Variants in DLG3 observed in about 807,000 individuals in gnomAD.
The protein encoded by DLG3 is discs large MAGUK scaffold protein 3.
DLG3 carries 1 observed loss-of-function variant against 64.1 expected under a neutral mutation model. The observed-to-expected ratio is 0.02, with a 90% CI of 0.01 to 0.07. The LOEUF (loss-of-function observed/expected upper bound fraction) is 0.07, where lower values mean the gene tolerates loss of function less well. Ranked by LOEUF, DLG3 falls within the 10% of genes least tolerant of loss-of-function variation. The pLI is 1.00. For missense variants in DLG3, 429 were observed against 669.5 expected (o/e 0.64, Z 3.96); for synonymous variants, 245 against 259.8 (o/e 0.94, Z 0.55).
intron 9 of DLG3, among the ~76,000 whole-genome samples, chrX:70,464,047 A>G (rs1202022001): frequency 9.3e-6 from 1 of 107,989 alleles, no homozygotes; most frequent in Non-Finnish European, 1.9e-5. Flanking sequence ...ATTTTTTTGT[A>G]TAGAGACAAG....
chrX:70,469,255 C>T (rs2086931393), intron 9 of DLG3, among the ~76,000 whole-genome samples: 1 of 110,822 alleles, frequency 9.0e-6, no homozygotes, highest in Non-Finnish European at 1.9e-5. Context: ...TCAAGCAATC[C>T]TCACACCTTG....
intron 12 of DLG3, chrX:70,493,323 T>A (rs2087392328): frequency 9.3e-7 from 1 of 1,074,295 alleles, no homozygotes; most frequent in South Asian, 2.0e-5. Context: ...AATCCATTGT[T>A]CTGTTTTTTT....
At chrX:70,445,584 G>T (rs751430530) in intron 1 of DLG3, 26 bp downstream of exon 1, 5 of 1,157,064 alleles carry the variant, frequency 4.3e-6, no homozygotes, top group Non-Finnish European at 4.6e-6. Flanking sequence ...GGGGGGAGCG[G>T]TGGGGCAACC....
chrX:70,449,585 C>T (rs1482975838), intron 3 of DLG3, 102 bp downstream of exon 3: 34 of 84,593 alleles, frequency 4.0e-4, no homozygotes, highest in African/African-American at 6.3e-4. Flanking sequence ...GATCTGAGGG[C>T]GGGGTGGGAG....
intron 10 of DLG3, among the ~76,000 whole-genome samples, chrX:70,480,964 C>T (rs2087144356): frequency 8.9e-6 from 1 of 112,179 alleles, no homozygotes; most frequent in African/African-American, 3.2e-5. Context: ...AGGGTGGAGA[C>T]CATGACTGTG....
At chrX:70,481,284 C>A (rs1281201134) in intron 10 of DLG3, among the ~76,000 whole-genome samples, 1 of 112,308 alleles carries the variant, frequency 8.9e-6, no homozygotes. Context: ...AAGAAAATAT[C>A]CCTTGATACC....
intron 9 of DLG3, among the ~76,000 whole-genome samples, chrX:70,472,689 C>T (rs1422013188): frequency 8.9e-6 from 1 of 112,264 alleles, no homozygotes; most frequent in African/African-American, 3.2e-5. Context: ...GGAGAATACA[C>T]AAACATAGAA....
intron 6 of DLG3, among the ~76,000 whole-genome samples, chrX:70,451,540 G>C (rs980782573): frequency 3.6e-5 from 4 of 112,006 alleles, no homozygotes; most frequent in Admixed American, 2.8e-4. Context: ...ATGAGATCAT[G>C]GATGAGAAAA....
chrX:70,452,117 T>A, intron 7 of DLG3, 91 bp downstream of exon 7: 1 of 1,137,265 alleles, frequency 8.8e-7, no homozygotes, highest in Non-Finnish European at 1.2e-6. Context: ...CTCCTTGTAG[T>A]ATGGCAAAGA....
chrX:70,467,649 A>G (rs142260674), intron 9 of DLG3, among the ~76,000 whole-genome samples: 46 of 112,134 alleles, frequency 4.1e-4, no homozygotes, highest in African/African-American at 1.4e-3. Flanking sequence ...CATTAACTCA[A>G]GTTGTCAAAC....
At position 70,493,634 on chromosome X, in the gene DLG3, T is replaced by G. The variant is rs987362407; in HGVS notation, c.1773+1038T>G. Reference sequence around the variant, plus strand: ...TTATCTACAGAGTCAGGGCAGAAACTGGTCTGCCTAAGGAGATGTTGGGTT... The same window carrying G: ...TTATCTACAGAGTCAGGGCAGAAACGGGTCTGCCTAAGGAGATGTTGGGTT... On this transcript the variant is annotated intron_variant, in intron 12 of 18. Transcript: ENST00000374360. Among the ~76,000 whole-genome samples the G allele has an allele frequency of 3.6e-5, 4 of 112,594 alleles. No homozygotes were observed. In the Admixed American group the frequency reaches 3.7e-4, roughly 11 times the overall value.
intron 10 of DLG3, among the ~76,000 whole-genome samples, chrX:70,484,430 G>T (rs2087218976): frequency 8.9e-6 from 1 of 112,310 alleles, no homozygotes; most frequent in African/African-American, 3.2e-5. Context: ...GCCCAGGGTG[G>T]TGCTTGGTGG....
chrX:70,502,056 A>AG (rs1223144233), intron 18 of DLG3, 107 bp from the exon 19 acceptor site: 3 of 582,596 alleles, frequency 5.1e-6, no homozygotes, highest in Non-Finnish European at 8.7e-6. Context: ...GTGAGGGGTG[A>AG]GGGGGTGGAG....
intron 10 of DLG3, among the ~76,000 whole-genome samples, chrX:70,489,128 T>G (rs1405034773): frequency 3.6e-5 from 4 of 111,860 alleles, no homozygotes. Context: ...GGCTTAATGT[T>G]TTTTGAAAAT....
At chrX:70,479,061 C>T in intron 9 of DLG3, 89 bp from the exon 10 acceptor site, 3 of 837,126 alleles carry the variant, frequency 3.6e-6, no homozygotes, top group South Asian at 4.1e-5. Context: ...AGCCAAGGGG[C>T]CTTCTGGCTT....
At chrX:70,459,047 G>A (rs140300367) in intron 9 of DLG3, among the ~76,000 whole-genome samples, 1,519 of 112,118 alleles carry the variant, frequency 0.014, 9 homozygotes, top group Middle Eastern at 0.023. Flanking sequence ...CATTTTCCCC[G>A]TAGTGACTTT....
At position 70,505,477 on chromosome X, in the gene DLG3, T is replaced by C. The variant is rs2087635903; in HGVS notation, c.*3208T>C. 8.9e-6 allele frequency: 1 copy of C among 112,482 alleles called. No individual in the cohort carries two copies. The highest frequency in any genetic ancestry group is 3.2e-5 in the African/African-American group (1 of 30,966). The allele number at this position is 112,482 out of a possible 1,213,427, so 9.3% of individuals were successfully genotyped here. A position where few individuals can be genotyped will look rare whatever the true frequency, so the allele number is the denominator to read the frequency against. ...TCTACCCATGAATAAATAAAATATTTGTTCAAGCACAAATGACCAGCTTTG... is the reference window on the plus strand; with the variant it reads ...TCTACCCATGAATAAATAAAATATTCGTTCAAGCACAAATGACCAGCTTTG... On this transcript the variant is annotated 3_prime_UTR_variant, in exon 19 of 19. Coordinates refer to ENST00000374360, the MANE Select transcript of DLG3 (RefSeq NM_021120.4).
In DLG3 at chrX:70,445,221, G is replaced by T; in HGVS notation, c.20G>T (p.Cys7Phe). ...AGTGCCATGCACAAGCACCAGCACT[G>T]CTGTAAGTGCCCTGAGTGCTATGAG... is the stretch of plus-strand genomic sequence containing the variant. Reference protein sequence around the residue: MHKHQHCCKCPECYEVT... With the variant: MHKHQHFCKCPECYEVT... The change falls in exon 1 of 19, where the codon TGC (cysteine) becomes TTC (phenylalanine). Residue 7 changes from cysteine to phenylalanine, a missense_variant. Coordinates refer to ENST00000374360, the MANE Select transcript of DLG3 (RefSeq NM_021120.4). The T allele has an allele frequency of 8.6e-7, 1 of 1,162,107 alleles. No individual in the cohort carries two copies.
At chrX:70,451,720 G>A (rs1190273927) in intron 6 of DLG3, 147 bp from the exon 7 acceptor site, 1 of 655,273 alleles carries the variant, frequency 1.5e-6, no homozygotes. Flanking sequence ...GGTGGCGGGT[G>A]GATGGAGTGG....
Sources: gnomAD v4.1 joint callset for allele counts (sites outside exome capture counted in the v4.1 genomes callset) on GRCh38, gnomAD v4.1.1 for gene constraint, MANE v1.5 for transcripts, NCBI Gene and HGNC (gene_info 2026-07-23, HGNC 2026-07-21) for gene names.